Variants in THSD7B observed in about 807,000 individuals in gnomAD.
The protein encoded by THSD7B is thrombospondin type-1 domain-containing protein 7B.
Under a neutral mutation model 213.6 loss-of-function variants are expected in THSD7B, and 138 were observed. The ratio of observed to expected loss-of-function variants is 0.65; its 90% CI spans 0.56 to 0.74. The LOEUF is 0.74. THSD7B is among the 30% of genes least tolerant of loss of function. THSD7B has a pLI of 0.00. For missense variants in THSD7B, 1,931 were observed against 1,991.5 expected, an observed-to-expected ratio of 0.97 and a Z score of 0.58; for synonymous variants, 742 against 687.0, an observed-to-expected ratio of 1.08 and a Z score of -1.25.
intron 17 of THSD7B, among the ~76,000 whole-genome samples, chr2:137,579,818 C>A (rs1319237227): frequency 6.6e-6 from 1 of 151,930 alleles, no homozygotes; most frequent in East Asian, 1.9e-4. Context: ...CTATTAGGTC[C>A]TTATATTATT....
chr2:136,842,706 A>G (rs1682938122), intron 1 of THSD7B, among the ~76,000 whole-genome samples: 2 of 152,194 alleles, frequency 1.3e-5, no homozygotes, highest in African/African-American at 4.8e-5. Flanking sequence ...CACCCAAATC[A>G]CAGAACAGTT....
At chr2:137,549,533 T>C (rs1680806043) in intron 15 of THSD7B, among the ~76,000 whole-genome samples, 1 of 151,950 alleles carries the variant, frequency 6.6e-6, no homozygotes, top group Admixed American at 6.6e-5. Flanking sequence ...AATATTATTC[T>C]GATAAGGACA....
intron 2 of THSD7B, among the ~76,000 whole-genome samples, chr2:136,933,270 G>T (rs887258534): frequency 6.6e-6 from 1 of 151,922 alleles, no homozygotes; most frequent in African/African-American, 2.4e-5. Flanking sequence ...ACTATCTAGT[G>T]GTTGTCAGAA....
At chr2:137,675,403 CATATATATATATATATATAT>C (rs55940004) in intron 27 of THSD7B, among the ~76,000 whole-genome samples, 45,861 of 116,668 alleles carry the variant, frequency 0.39, 9,452 homozygotes, top group East Asian at 0.48. Flanking sequence ...AAATGAATGC[CATATATATATATATATATAT>C]ATATATATAT....
At chr2:136,803,149 A>G (rs200196378) in intron 1 of THSD7B, among the ~76,000 whole-genome samples, 13 of 152,156 alleles carry the variant, frequency 8.5e-5, no homozygotes, top group Middle Eastern at 3.4e-3. Context: ...GAATATAAAT[A>G]CACCCACACA....
chr2:137,037,343 C>T (rs749270540), intron 2 of THSD7B, among the ~76,000 whole-genome samples: 10 of 151,930 alleles, frequency 6.6e-5, no homozygotes, highest in Non-Finnish European at 1.5e-4. Context: ...ACACTAGATT[C>T]TTAGCTTAGA....
intron 15 of THSD7B, chr2:137,538,416 A>G: frequency 2.1e-6 from 1 of 482,762 alleles, no homozygotes; most frequent in South Asian, 1.6e-5. Context: ...TTATAATAGC[A>G]GTTCCACTAA....
At chr2:137,159,367 A>G (rs1679967830) in intron 5 of THSD7B, among the ~76,000 whole-genome samples, 1 of 152,012 alleles carries the variant, frequency 6.6e-6, no homozygotes, top group South Asian at 2.1e-4. Flanking sequence ...AGTTGATGCT[A>G]CAGTGAGCTA....
intron 12 of THSD7B, among the ~76,000 whole-genome samples, chr2:137,377,788 G>A (rs943827183): frequency 2.0e-5 from 3 of 151,994 alleles, no homozygotes; most frequent in Admixed American, 2.0e-4. Flanking sequence ...CACCATGCCT[G>A]GCTAATTTTT....
intron 9 of THSD7B, among the ~76,000 whole-genome samples, chr2:137,238,996 T>A (rs1681840868): frequency 6.6e-6 from 1 of 152,326 alleles, no homozygotes; most frequent in Non-Finnish European, 1.5e-5. Flanking sequence ...TGGGTATATA[T>A]CTTTTAATAT....
chr2:137,592,755 G>T (rs1681889324), intron 17 of THSD7B, among the ~76,000 whole-genome samples: 1 of 151,754 alleles, frequency 6.6e-6, no homozygotes. Flanking sequence ...CAAGGGTATG[G>T]GTTGATAAAT....
At chr2:137,483,330 C>A (rs1290234149) in intron 15 of THSD7B, among the ~76,000 whole-genome samples, 1 of 152,196 alleles carries the variant, frequency 6.6e-6, no homozygotes, top group South Asian at 2.1e-4. Context: ...CTGAAAGTTA[C>A]ATAACTAATA....
intron 15 of THSD7B, among the ~76,000 whole-genome samples, chr2:137,546,150 T>C (rs1680704024): frequency 6.7e-6 from 1 of 149,394 alleles, no homozygotes; most frequent in Admixed American, 6.8e-5. Flanking sequence ...TCCAGAACGA[T>C]TCAAATCTAG....
chr2:137,087,410 C>T (rs1282689194), intron 3 of THSD7B, among the ~76,000 whole-genome samples: 1 of 152,080 alleles, frequency 6.6e-6, no homozygotes, highest in East Asian at 1.9e-4. Flanking sequence ...TTACCTAAAG[C>T]CTCCTGCAGA....
chr2:137,673,886 A>G (rs1683637830), intron 27 of THSD7B, among the ~76,000 whole-genome samples: 1 of 152,194 alleles, frequency 6.6e-6, no homozygotes, highest in Admixed American at 6.5e-5. Context: ...GTTGCACAAT[A>G]TGAAAAGATG....
chr2:137,157,443 G>A (rs567375122), intron 5 of THSD7B, among the ~76,000 whole-genome samples: 21 of 152,250 alleles, frequency 1.4e-4, no homozygotes, highest in East Asian at 7.7e-4. Flanking sequence ...GAGCAAAGCC[G>A]GGGCTGTTTT....
chr2:137,393,332 C>T (rs1265499926), intron 12 of THSD7B, among the ~76,000 whole-genome samples: 2 of 151,652 alleles, frequency 1.3e-5, no homozygotes, highest in Non-Finnish European at 2.9e-5. Flanking sequence ...CACCACAGCC[C>T]CCATAGTGTG....
At chr2:137,015,009 CA>C (rs1686310758) in intron 2 of THSD7B, among the ~76,000 whole-genome samples, 1 of 152,120 alleles carries the variant, frequency 6.6e-6, no homozygotes, top group Non-Finnish European at 1.5e-5. Flanking sequence ...TCTGGCCCCT[CA>C]GCTTGGTTCT....
intron 10 of THSD7B, among the ~76,000 whole-genome samples, chr2:137,260,906 T>G (rs1682429404): frequency 6.6e-6 from 1 of 151,876 alleles, no homozygotes; most frequent in African/African-American, 2.4e-5. Flanking sequence ...CGGTCATTTT[T>G]TTCACTCATT....
Sources: allele counts gnomAD v4.1 joint callset (sites outside exome capture counted in the v4.1 genomes callset), GRCh38; gene constraint gnomAD v4.1.1; transcripts MANE v1.5; gene names NCBI Gene and HGNC (gene_info 2026-07-23, HGNC 2026-07-21).